Variants in VPS26B observed in about 807,000 individuals in gnomAD.
VPS26B encodes the protein vacuolar protein sorting-associated protein 26B.
In VPS26B, 10 loss-of-function variants were observed where a neutral mutation model predicts 33.3. The ratio of observed to expected loss-of-function variants is 0.30; its 90% confidence interval spans 0.19 to 0.51. The LOEUF (loss-of-function observed/expected upper bound fraction) is 0.51, where lower values mean the gene tolerates loss of function less well. Among genes scored for constraint, VPS26B ranks in the 20% least tolerant of loss-of-function variants. The pLI is 0.98. For missense variants in VPS26B, 317 were observed against 452.7 expected (o/e 0.70, Z 2.72); for synonymous variants, 190 against 176.9 (o/e 1.07, Z -0.59).
Position 134,243,396 on chromosome 11 carries a change from C to G in VPS26B, c.721+102C>G, listed in dbSNP as rs530394193. On this transcript the variant is annotated intron_variant, in intron 4 of 5. Transcript: ENST00000281187. ...GGATTACACTGTCAAAATAAGATGT[C>G]CTCTTAACCTGTAACTTCTTAATCT... is the stretch of plus-strand genomic sequence containing the variant. 9 of 1,345,528 alleles carry G rather than the reference C, an allele frequency of 6.7e-6. No individual in the cohort carries two copies. In the South Asian group the frequency reaches 1.1e-4, roughly 17 times the overall value. The allele number at this position is 1,345,528 out of a possible 1,614,324, so 83.3% of individuals were successfully genotyped here. A position where few individuals can be genotyped will look rare whatever the true frequency, so the allele number is the denominator to read the frequency against.
At chr11:134,237,533 A>C (rs1938650288) in intron 2 of VPS26B, among the ~76,000 whole-genome samples, 1 of 152,226 alleles carries the variant, frequency 6.6e-6, no homozygotes, top group South Asian at 2.1e-4. Flanking sequence ...CAGAGGGGAC[A>C]CTTAGAAATG....
In VPS26B at chr11:134,235,003, C is replaced by G; in HGVS notation, c.330C>G (p.Thr110=). The part of the protein sequence containing the change: ...TQSQAFDFEF[T]HVEKPYESYT... ...CGCAGGCCTTCGACTTTGAGTTTAC[C>G]CACGTGGAGAAGCCGTATGAGTCCT... Residue 110 remains threonine, a synonymous_variant, in exon 2 of 6, where the codon ACC becomes ACG. Transcript: ENST00000281187. 6.2e-7 allele frequency: 1 copy of G among 1,614,082 alleles called. No homozygotes were observed. Among genetic ancestry groups the G allele is most frequent in the Non-Finnish European group, 8.5e-7 (1 of 1,180,022 alleles).
At chr11:134,238,321 C>A (rs1036126214) in intron 2 of VPS26B, among the ~76,000 whole-genome samples, 8 of 152,236 alleles carry the variant, frequency 5.3e-5, no homozygotes, top group African/African-American at 1.9e-4. Context: ...AAGTAAGGAA[C>A]AAAGCAGAGG....
chr11:134,245,684 G>C lies in VPS26B; in HGVS notation c.*94G>C. On this transcript the variant is annotated 3_prime_UTR_variant, in exon 6 of 6. Coordinates refer to ENST00000281187, the MANE Select transcript of VPS26B (RefSeq NM_052875.5). The surrounding 1 kb of genome is among the most constrained non-coding windows in gnomAD (Gnocchi z 4.7). ...GCGGGGGCGGACCTTGTGAGGCTCA[G>C]TTGACCCGTTACTTGCAACCTGAAA... is the stretch of plus-strand genomic sequence containing the variant. 1 of 1,419,524 alleles carries C rather than the reference G, an allele frequency of 7.0e-7. No individual in the cohort carries two copies. The allele number at this position is 1,419,524 out of a possible 1,614,324, so 87.9% of individuals were successfully genotyped here.
At chr11:134,242,931 T>C (rs1938755585) in intron 3 of VPS26B, among the ~76,000 whole-genome samples, 188 bp from the exon 4 acceptor site, 1 of 152,204 alleles carries the variant, frequency 6.6e-6, no homozygotes, top group African/African-American at 2.4e-5. Context: ...GGACAGAAGC[T>C]ACTTTAATCC....
intron 3 of VPS26B, among the ~76,000 whole-genome samples, chr11:134,241,268 G>T (rs955896435): frequency 6.6e-6 from 1 of 152,126 alleles, no homozygotes; most frequent in Non-Finnish European, 1.5e-5. Context: ...GGAGCAGTGG[G>T]AGCTGCACCA....
rs989036152 is a variant in VPS26B, at chr11:134,240,297, A to G, written c.545+142A>G. 1.2e-5 allele frequency: 11 copies of G among 915,580 alleles called. No homozygotes were observed. Among genetic ancestry groups the G allele is most frequent in the Non-Finnish European group, 1.7e-5 (10 of 591,764 alleles). The allele number at this position is 915,580 out of a possible 1,614,324, so 56.7% of individuals were successfully genotyped here. On this transcript the variant is annotated intron_variant, in intron 3 of 5. Transcript: ENST00000281187. The surrounding 1 kb of genome is among the most constrained non-coding windows in gnomAD (Gnocchi z 4.4). The stretch of plus-strand genomic sequence containing the variant: ...TGGGGGAAGACCGTGGGAGCAATCC[A>G]GTGAGTGTCTATGGCAGGCCAGCTG...
chr11:134,236,002 TC>T (rs770719268), intron 2 of VPS26B, among the ~76,000 whole-genome samples: 4 of 152,196 alleles, frequency 2.6e-5, no homozygotes, highest in Non-Finnish European at 5.9e-5. Flanking sequence ...TAACTTCTTT[TC>T]TTTCTCTGTC....
At chr11:134,243,065 G>A (rs574391330) in intron 3 of VPS26B, 54 bp from the exon 4 acceptor site, 45 of 1,593,590 alleles carry the variant, frequency 2.8e-5, no homozygotes, top group Non-Finnish European at 3.9e-5. Context: ...TACTGAAACA[G>A]AAAGGTCTGG....
intron 3 of VPS26B, among the ~76,000 whole-genome samples, chr11:134,241,980 T>G (rs1938733570): frequency 6.6e-6 from 1 of 152,248 alleles, no homozygotes; most frequent in Admixed American, 6.5e-5. Flanking sequence ...CCTCTGGCCT[T>G]CCGCTTTTCT....
At chr11:134,228,647 C>T (rs1455794558) in intron 1 of VPS26B, among the ~76,000 whole-genome samples, 1 of 152,236 alleles carries the variant, frequency 6.6e-6, no homozygotes, top group Admixed American at 6.5e-5. Context: ...AGTGACTTTT[C>T]TTAAACTCTT....
At position 134,240,794 on chromosome 11, in the gene VPS26B, C is replaced by CGTGTGTGT. The variant is rs55726358; in HGVS notation, c.545+666_545+673dup. Among the ~76,000 whole-genome samples, 24,766 of 138,354 alleles carry CGTGTGTGT rather than the reference C, an allele frequency of 0.18. 2,458 individuals carry two copies. The highest frequency in any genetic ancestry group is 0.23 in the Admixed American group (3,124 of 13,758). 90.8% of individuals were successfully genotyped at this position (138,354 alleles called of 152,430 possible). On this transcript the variant is annotated intron_variant, in intron 3 of 5. Coordinates refer to ENST00000281187, the MANE Select transcript of VPS26B (RefSeq NM_052875.5). The surrounding 1 kb of genome is among the most constrained non-coding windows in gnomAD (Gnocchi z 4.4). ...GTGTCCGTGTGTGTGTGTGTGTGTC[C>CGTGTGTGT]GTGTGTGTGTGTGTGTGTGTGTGTG...
At chr11:134,242,907 G>T (rs143057364) in intron 3 of VPS26B, among the ~76,000 whole-genome samples, 2 of 152,346 alleles carry the variant, frequency 1.3e-5, no homozygotes, top group African/African-American at 2.4e-5. Context: ...CGTCCTTTGC[G>T]TGGGATGTGG....
At chr11:134,238,665 G>T (rs1029439374) in intron 2 of VPS26B, among the ~76,000 whole-genome samples, 1 of 152,028 alleles carries the variant, frequency 6.6e-6, no homozygotes, top group Non-Finnish European at 1.5e-5. Context: ...GCTTGATCTC[G>T]GCTCACCGCA....
rs533000461 is a variant in VPS26B, at chr11:134,245,839, T to G, written c.*249T>G. On this transcript the variant is annotated 3_prime_UTR_variant, in exon 6 of 6. Transcript: ENST00000281187. The surrounding 1 kb of genome is among the most constrained non-coding windows in gnomAD (Gnocchi z 4.7). Reference sequence around the variant, plus strand: ...AGGTAGCATCCTGGAAGCCAGCCTCTCTGGGGAACATGAGCCCCCTTCCTC... The same window carrying G: ...AGGTAGCATCCTGGAAGCCAGCCTCGCTGGGGAACATGAGCCCCCTTCCTC... The G allele has an allele frequency of 7.3e-4, 359 of 492,902 alleles. 4 individuals are homozygous for G. The South Asian group carries it at 0.01, about 14-fold the overall frequency. 30.5% of individuals were successfully genotyped at this position (492,902 alleles called of 1,614,324 possible). A position where few individuals can be genotyped will look rare whatever the true frequency, so the allele number is the denominator to read the frequency against.
At chr11:134,233,185 T>G (rs1938581800) in intron 1 of VPS26B, among the ~76,000 whole-genome samples, 1 of 152,200 alleles carries the variant, frequency 6.6e-6, no homozygotes, top group South Asian at 2.1e-4. Flanking sequence ...AGCCACACAA[T>G]ACACTGTGAA....
In VPS26B at chr11:134,247,530, C is replaced by G. The variant is rs1292625444; in HGVS notation, c.*1940C>G. On this transcript the variant is annotated 3_prime_UTR_variant, in exon 6 of 6. Coordinates refer to ENST00000281187, the MANE Select transcript of VPS26B (RefSeq NM_052875.5). ...GGTCTTCTGTTTTCTCTTTCTTACT[C>G]TACCCACATTCTTGCCTTCTCTATC... 4 of 152,624 alleles carry G rather than the reference C, an allele frequency of 2.6e-5. No individual in the cohort carries two copies. Among genetic ancestry groups the G allele is most frequent in the Admixed American group, 2.6e-4 (4 of 15,284 alleles). 9.5% of individuals were successfully genotyped at this position (152,624 alleles called of 1,614,324 possible). A position where few individuals can be genotyped will look rare whatever the true frequency, so the allele number is the denominator to read the frequency against.
At position 134,225,091 on chromosome 11, in the gene VPS26B, C is replaced by T. The variant is rs767521999; in HGVS notation, c.-32C>T. On this transcript the variant is annotated 5_prime_UTR_variant, in exon 1 of 6. Transcript: ENST00000281187. ...CCGCGCCCCGGTGCGAGGGAGCGGT[C>T]CTTACCGAGACCCGCCCGGCCCGGC... 4.5e-6 allele frequency: 7 copies of T among 1,570,772 alleles called. No homozygotes were observed. The highest frequency in any genetic ancestry group is 6.1e-6 in the Non-Finnish European group (7 of 1,156,482).
rs751395535 is a variant in VPS26B at position 134,245,489 on chromosome 11, T to A, written c.910T>A (p.Ser304Thr). 32 of 1,613,840 alleles carry A rather than the reference T, an allele frequency of 2.0e-5. No homozygotes were observed. The highest frequency in any genetic ancestry group is 2.6e-5 in the Non-Finnish European group (31 of 1,179,916). ...GGGTGACATCGTACGGAAGAGCATG[T>A]CCCACCAGGCGGCCATCGCCTCACA... ...RKGDIVRKSM[S>T]HQAAIASQRF... The change falls in exon 6 of 6, where the codon TCC becomes ACC. Residue 304 changes from serine to threonine, a missense_variant. By Grantham distance (58) the Ser-to-Thr change is moderately conservative (BLOSUM62 1). Transcript: ENST00000281187. This position sits in a 1 kb window ranked among gnomAD's most constrained non-coding sequence, Gnocchi z 4.7.
Sources: allele counts gnomAD v4.1 joint callset (sites outside exome capture counted in the v4.1 genomes callset), GRCh38; gene constraint gnomAD v4.1.1; non-coding constraint Gnocchi (gnomAD v3.1); transcripts MANE v1.5; gene names NCBI Gene and HGNC (gene_info 2026-07-23, HGNC 2026-07-21).